EPB41L4B: variants seen among roughly 807,000 people sequenced by gnomAD.
EPB41L4B encodes band 4.1-like protein 4B.
EPB41L4B carries 30 observed loss-of-function variants against 112.5 expected under a neutral mutation model. The observed-to-expected ratio is 0.27, with a 90% CI of 0.20 to 0.36. EPB41L4B has a LOEUF of 0.36. Ranked by LOEUF, EPB41L4B falls within the 10% of genes least tolerant of loss-of-function variation. The probability of loss-of-function intolerance (pLI) is 1.00; values close to 1 mark genes in which losing one functional copy is unlikely to be tolerated. For synonymous variants in EPB41L4B, 408 were observed against 439.7 expected, an observed-to-expected ratio of 0.93 and a Z score of 0.90; for missense variants, 1,024 against 1,133.3, an observed-to-expected ratio of 0.90 and a Z score of 1.38.
intron 6 of EPB41L4B, among the ~76,000 whole-genome samples, chr9:109,260,020 C>T (rs1174493197): frequency 2.0e-5 from 3 of 152,062 alleles, no homozygotes; most frequent in Admixed American, 6.6e-5. Flanking sequence ...AGAGGGGGCA[C>T]GGAGGGACAA....
rs750333143 is a variant in EPB41L4B at position 109,194,299 on chromosome 9, G to A, written c.2144C>T (p.Pro715Leu). ...TTTAATQVSV[P>L]LPSPKVQNVS... ...ATTCTGGACCTTGGGGGACGGCAGC[G>A]GCACGGAGACTTGTGTGGCGGCCGT... Residue 715 changes from proline to leucine, a missense_variant, in exon 21 of 26, where the codon CCG becomes CTG. Physicochemically the swap from Pro to Leu is moderately conservative, Grantham distance 98. Transcript: ENST00000374566. The A allele has an allele frequency of 3.0e-5, 48 of 1,614,180 alleles. 1 individual carries two copies. Among genetic ancestry groups the A allele is most frequent in the South Asian group, 2.9e-4 (26 of 91,078 alleles).
At chr9:109,288,493 G>A (rs548874997) in intron 1 of EPB41L4B, among the ~76,000 whole-genome samples, 8 of 152,030 alleles carry the variant, frequency 5.3e-5, no homozygotes, top group African/African-American at 1.4e-4. Context: ...GGCCGAGGCG[G>A]GCGGATCACA....
chr9:109,291,520 G>A (rs1219564326), intron 1 of EPB41L4B, among the ~76,000 whole-genome samples: 4 of 152,160 alleles, frequency 2.6e-5, no homozygotes, highest in Non-Finnish European at 4.4e-5. Context: ...TAGTGAGAAG[G>A]GACGTCAACA....
At chr9:109,284,070 G>C (rs955050545) in intron 1 of EPB41L4B, among the ~76,000 whole-genome samples, 3 of 152,082 alleles carry the variant, frequency 2.0e-5, no homozygotes, top group South Asian at 4.2e-4. Flanking sequence ...GTGACAGAGT[G>C]ACACCTTGAC....
At chr9:109,294,937 A>C (rs1019173698) in intron 1 of EPB41L4B, among the ~76,000 whole-genome samples, 4 of 152,194 alleles carry the variant, frequency 2.6e-5, no homozygotes, top group African/African-American at 9.7e-5. Context: ...GTGTGGGCTG[A>C]GCCCTGACTT....
intron 6 of EPB41L4B, among the ~76,000 whole-genome samples, chr9:109,262,007 A>G (rs1835222228): frequency 6.6e-6 from 1 of 152,210 alleles, no homozygotes; most frequent in African/African-American, 2.4e-5. Flanking sequence ...GAAATCCCGG[A>G]TATGCAGTTA....
chr9:109,257,213 T>G (rs1037949333), intron 7 of EPB41L4B, among the ~76,000 whole-genome samples: 3 of 152,214 alleles, frequency 2.0e-5, no homozygotes, highest in Admixed American at 6.5e-5. Context: ...TCAGAATGAC[T>G]GAGGGATAAG....
intron 20 of EPB41L4B, among the ~76,000 whole-genome samples, chr9:109,197,819 C>CA (rs11410452): frequency 0.72 from 94,996 of 131,834 alleles, 33,335 homozygotes; most frequent in Admixed American, 0.78. Flanking sequence ...GACTCTGTAT[C>CA]AAAAAAAAAA....
intron 17 of EPB41L4B, among the ~76,000 whole-genome samples, chr9:109,209,993 T>G (rs1274204600): frequency 6.6e-6 from 1 of 152,226 alleles, no homozygotes; most frequent in Non-Finnish European, 1.5e-5. Context: ...ATCTGTTTCT[T>G]TCTTCATAGG....
chr9:109,269,689 T>C (rs1482675247), intron 2 of EPB41L4B, among the ~76,000 whole-genome samples: 1 of 152,208 alleles, frequency 6.6e-6, no homozygotes, highest in Non-Finnish European at 1.5e-5. Flanking sequence ...ACCTAATGCA[T>C]GCTGGAACTT....
intron 1 of EPB41L4B, among the ~76,000 whole-genome samples, chr9:109,311,731 C>T (rs1026871947): frequency 6.6e-6 from 1 of 152,148 alleles, no homozygotes; most frequent in African/African-American, 2.4e-5. Context: ...TAAGAGAACA[C>T]ACATTTAACA....
intron 24 of EPB41L4B, among the ~76,000 whole-genome samples, chr9:109,180,376 C>A (rs573479396): frequency 1.3e-5 from 2 of 152,332 alleles, no homozygotes; most frequent in African/African-American, 4.8e-5. Flanking sequence ...CCCACTATGG[C>A]CAACCAAGGG....
At chr9:109,266,292 C>T (rs1835397760) in intron 4 of EPB41L4B, among the ~76,000 whole-genome samples, 1 of 152,114 alleles carries the variant, frequency 6.6e-6, no homozygotes, top group Non-Finnish European at 1.5e-5. Flanking sequence ...GGGAGGATCA[C>T]TTGAGCCTGG....
chr9:109,320,398 A>C lies in EPB41L4B; in HGVS notation c.49T>G (p.Tyr17Asp), dbSNP rs1837826357. Residue 17 changes from tyrosine (Y) to aspartate (D), a missense_variant, in exon 1 of 26, where the codon TAC becomes GAC. Tyr to Asp is a radical substitution (Grantham distance 160). Coordinates refer to ENST00000374566, the MANE Select transcript of EPB41L4B (RefSeq NM_019114.5). Reference protein sequence around the residue: ...RTFGRRSMQRYARGAAGRGAA... With the variant: ...RTFGRRSMQRDARGAAGRGAA... ...CCGCGCCCCGCCGCGCCCCGCGCGT[A>C]GCGCTGCATGGAGCGGCGGCCAAAG... 1 of 982,486 alleles carries C rather than the reference A, an allele frequency of 1.0e-6. No individual in the cohort carries two copies. Among genetic ancestry groups the C allele is most frequent in the Admixed American group, 6.3e-5 (1 of 15,810 alleles). 60.9% of individuals were successfully genotyped at this position (982,486 alleles called of 1,614,324 possible).
chr9:109,290,676 T>C (rs1487758857), intron 1 of EPB41L4B, among the ~76,000 whole-genome samples: 1 of 151,432 alleles, frequency 6.6e-6, no homozygotes, highest in Non-Finnish European at 1.5e-5. Context: ...CTCAATAACT[T>C]GCCACTTTCT....
At position 109,240,843 on chromosome 9, in the gene EPB41L4B, G is replaced by A. The variant is rs73654236; in HGVS notation, c.1409+2775C>T. On this transcript the variant is annotated intron_variant, in intron 15 of 25. Transcript: ENST00000374566. ...TCACAATTATGTCTTCTGAAATCAC[G>A]CAAGTTAGCAGCACCAATCATTAAG... The A allele has an allele frequency of 3.3e-3, 3,215 of 985,360 alleles. 61 individuals carry two copies. In the African/African-American group the frequency reaches 0.044, roughly 14 times the overall value. 61.0% of individuals were successfully genotyped at this position (985,360 alleles called of 1,614,324 possible). A position where few individuals can be genotyped will look rare whatever the true frequency, so the allele number is the denominator to read the frequency against.
intron 16 of EPB41L4B, among the ~76,000 whole-genome samples, chr9:109,216,719 T>C (rs1486183394): frequency 1.3e-5 from 2 of 152,012 alleles, no homozygotes; most frequent in Non-Finnish European, 2.9e-5. Flanking sequence ...AATTAGAGTT[T>C]ACTGGTAAAC....
chr9:109,188,004 C>G (rs150048373), intron 22 of EPB41L4B, among the ~76,000 whole-genome samples: 2 of 152,174 alleles, frequency 1.3e-5, no homozygotes. Context: ...TTTGGAATAC[C>G]ACTTAATTTT....
intron 6 of EPB41L4B, 88 bp from the exon 7 acceptor site, chr9:109,258,385 T>A: frequency 6.8e-7 from 1 of 1,460,060 alleles, no homozygotes; most frequent in Non-Finnish European, 9.5e-7. Context: ...TTTTGCATCA[T>A]TATAAAGCAC....
Sources: gnomAD v4.1 joint callset for allele counts (sites outside exome capture counted in the v4.1 genomes callset) on GRCh38, gnomAD v4.1.1 for gene constraint, MANE v1.5 for transcripts, NCBI Gene and HGNC (gene_info 2026-07-23, HGNC 2026-07-21) for gene names.